The following IGF1R variants were observed in gnomAD, a reference collection of about 807,000 sequenced individuals.
The protein encoded by IGF1R is insulin like growth factor 1 receptor, also known as insulin-like growth factor 1 receptor.
In IGF1R, 44 loss-of-function variants were observed where a neutral mutation model predicts 144.6. The ratio of observed to expected loss-of-function variants is 0.30; its 90% CI spans 0.24 to 0.39. The LOEUF (loss-of-function observed/expected upper bound fraction) is 0.39, where lower values mean the gene tolerates loss of function less well. Ranked by LOEUF, IGF1R falls within the 10% of genes least tolerant of loss-of-function variation. The pLI is 1.00. For synonymous variants in IGF1R, 795 were observed against 722.8 expected (o/e 1.10, Z -1.60); for missense variants, 1,355 against 1,833.7 (o/e 0.74, Z 4.77).
intron 1 of IGF1R, among the ~76,000 whole-genome samples, chr15:98,683,482 A>C (rs564857227): frequency 6.6e-6 from 1 of 152,208 alleles, no homozygotes. Context: ...TTGTGTGGGC[A>C]TTGCCCAGTT....
At chr15:98,724,029 A>G (rs1009785248) in intron 2 of IGF1R, among the ~76,000 whole-genome samples, 2 of 152,196 alleles carry the variant, frequency 1.3e-5, no homozygotes, top group Non-Finnish European at 1.5e-5. Context: ...ATTTAATTGT[A>G]TCAGCAATTA....
At chr15:98,836,093 C>T (rs1435750614) in intron 2 of IGF1R, among the ~76,000 whole-genome samples, 1 of 152,106 alleles carries the variant, frequency 6.6e-6, no homozygotes, top group Non-Finnish European at 1.5e-5. Context: ...TGAAATTCGT[C>T]CAGTGAGGAA....
chr15:98,656,503 G>A (rs1489193616), intron 1 of IGF1R, among the ~76,000 whole-genome samples: 1 of 152,106 alleles, frequency 6.6e-6, no homozygotes, highest in Non-Finnish European at 1.5e-5. Context: ...GAGCCAAGAT[G>A]ATGCCACTGC....
intron 2 of IGF1R, among the ~76,000 whole-genome samples, chr15:98,735,257 T>C (rs146397560): frequency 1.3e-5 from 2 of 152,192 alleles, no homozygotes; most frequent in Non-Finnish European, 2.9e-5. Context: ...AAAGCCCGTT[T>C]CAATTGGCTC....
chr15:98,653,563 C>T (rs1279154013), intron 1 of IGF1R, among the ~76,000 whole-genome samples: 5 of 152,198 alleles, frequency 3.3e-5, no homozygotes, highest in African/African-American at 1.2e-4. Flanking sequence ...TTAGGATACA[C>T]TGTTTCAAGT....
chr15:98,897,341 C>T lies in IGF1R; in HGVS notation c.1102+436C>T, dbSNP rs548905419. The stretch of plus-strand genomic sequence containing the variant: ...AGCAAAGGGAAGTTTAGTGATATCA[C>T]GTTAAAATTTTATGAAGTCCAAAAG... On this transcript the variant is annotated intron_variant, in intron 4 of 20. Transcript: ENST00000650285. 17 of 185,722 alleles carry T rather than the reference C, an allele frequency of 9.2e-5. No homozygotes were observed. The South Asian group carries it at 1.8e-3, about 19-fold the overall frequency. The allele number at this position is 185,722 out of a possible 1,614,324, so 11.5% of individuals were successfully genotyped here.
chr15:98,866,083 C>G lies in IGF1R; in HGVS notation c.641-25242C>G, dbSNP rs528724753. On this transcript the variant is annotated intron_variant, in intron 2 of 20. Transcript: ENST00000650285. ...AAAGTAAAAGATGCAAATGTGTTTG[C>G]AAAAGAAAAATTAACATAGGATACG... Among the ~76,000 whole-genome samples the G allele has an allele frequency of 5.3e-5, 8 of 152,264 alleles. No homozygotes were observed. In the South Asian group the frequency reaches 1.0e-3, roughly 20 times the overall value.
intron 5 of IGF1R, among the ~76,000 whole-genome samples, chr15:98,902,654 T>C (rs377580134): frequency 6.6e-5 from 10 of 152,206 alleles, no homozygotes; most frequent in African/African-American, 2.4e-4. Context: ...GACCTTGTGA[T>C]CCGCCCGCCT....
At chr15:98,879,363 C>G (rs1484051508) in intron 2 of IGF1R, among the ~76,000 whole-genome samples, 7 of 152,130 alleles carry the variant, frequency 4.6e-5, no homozygotes, top group African/African-American at 1.7e-4. Context: ...TATTCCTTTG[C>G]TTTTTTCCCT....
At chr15:98,814,626 G>A (rs868334566) in intron 2 of IGF1R, among the ~76,000 whole-genome samples, 5 of 152,184 alleles carry the variant, frequency 3.3e-5, no homozygotes, top group Admixed American at 6.5e-5. Flanking sequence ...GGGATTACAC[G>A]TGTGAGCCAC....
intron 2 of IGF1R, among the ~76,000 whole-genome samples, chr15:98,817,145 A>G (rs2056711049): frequency 6.6e-6 from 1 of 152,028 alleles, no homozygotes; most frequent in Admixed American, 6.5e-5. Flanking sequence ...TCTACTAAAA[A>G]TACAAAATTA....
At chr15:98,751,447 C>T (rs992824343) in intron 2 of IGF1R, among the ~76,000 whole-genome samples, 1 of 152,096 alleles carries the variant, frequency 6.6e-6, no homozygotes, top group Admixed American at 6.5e-5. Context: ...TGGCTTCAAG[C>T]GATCCTCTCC....
rs571932771 is a variant in IGF1R, at chr15:98,911,965, A to T, written c.1589+524A>T. The stretch of plus-strand genomic sequence containing the variant: ...AGCGAAGAAAAGTGGAGAGAGAACA[A>T]CCTTCATGTCTTGAGCCTTTTGTGA... On this transcript the variant is annotated intron_variant, in intron 7 of 20. Coordinates refer to ENST00000650285, the MANE Select transcript of IGF1R (RefSeq NM_000875.5). Among the ~76,000 whole-genome samples the T allele has an allele frequency of 2.0e-5, 3 of 152,226 alleles. No homozygotes were observed. The South Asian group carries it at 6.2e-4, about 32-fold the overall frequency.
intron 2 of IGF1R, among the ~76,000 whole-genome samples, chr15:98,714,523 A>G (rs1250915348): frequency 6.6e-6 from 1 of 152,044 alleles, no homozygotes; most frequent in Non-Finnish European, 1.5e-5. Context: ...GCACGTGCCT[A>G]TAGTCCCAGC....
At chr15:98,914,055 G>T (rs866670877) in intron 8 of IGF1R, among the ~76,000 whole-genome samples, 9 of 152,338 alleles carry the variant, frequency 5.9e-5, no homozygotes, top group Middle Eastern at 3.4e-3. Flanking sequence ...CAGATTTGGT[G>T]TCTGGTGAGG....
intron 2 of IGF1R, among the ~76,000 whole-genome samples, chr15:98,824,921 C>T (rs2056864923): frequency 1.3e-5 from 2 of 151,996 alleles, no homozygotes; most frequent in Non-Finnish European, 2.9e-5. Context: ...ACTGCAACCT[C>T]TGCCTTCCGG....
At chr15:98,650,009 C>G (rs191628325) in intron 1 of IGF1R, among the ~76,000 whole-genome samples, 1 of 152,128 alleles carries the variant, frequency 6.6e-6, no homozygotes, top group Non-Finnish European at 1.5e-5. Flanking sequence ...CCGCGGTTCC[C>G]GGGCCCCGCG....
chr15:98,700,374 C>T (rs2053697773), intron 1 of IGF1R, among the ~76,000 whole-genome samples: 1 of 152,104 alleles, frequency 6.6e-6, no homozygotes, highest in African/African-American at 2.4e-5. Flanking sequence ...GCTTTACCTG[C>T]ACCACACTGC....
At chr15:98,694,136 A>ATT (rs111851854) in intron 1 of IGF1R, among the ~76,000 whole-genome samples, 1 of 150,494 alleles carries the variant, frequency 6.6e-6, no homozygotes, top group Admixed American at 6.6e-5. Flanking sequence ...ATTCCTCTGG[A>ATT]TTTTTTTTTT....
Sources: allele counts gnomAD v4.1 joint callset (sites outside exome capture counted in the v4.1 genomes callset), GRCh38; gene constraint gnomAD v4.1.1; transcripts MANE v1.5; gene names NCBI Gene and HGNC (gene_info 2026-07-23, HGNC 2026-07-21).